The following OR6A2 variants were observed in gnomAD, a reference collection of about 807,000 sequenced individuals.
OR6A2 encodes the protein olfactory receptor 6A2.
OR6A2 carries 6 observed loss-of-function variants against 7.1 expected under a neutral mutation model. The observed-to-expected ratio is 0.85, with a 90% CI of 0.46 to 1.68. The LOEUF (loss-of-function observed/expected upper bound fraction) is 1.68. OR6A2 is among the 40% of genes most tolerant of loss of function. The pLI, the probability that OR6A2 is intolerant of heterozygous loss-of-function variation, is 0.01. For synonymous variants in OR6A2, 162 were observed against 152.1 expected (o/e 1.06, Z -0.48); for missense variants, 431 against 398.0 (o/e 1.08, Z -0.71).
Position 6,792,583 on chromosome 11 carries a change from A to G in OR6A2, c.*2142T>C, listed in dbSNP as rs497655. 1 allele frequency: 152,173 copies of G among 152,322 alleles called. 76,012 individuals carry two copies. Among genetic ancestry groups the G allele is most frequent in the Non-Finnish European group, 1 (68,030 of 68,030 alleles). 9.4% of individuals were successfully genotyped at this position (152,322 alleles called of 1,614,324 possible). A position where few individuals can be genotyped will look rare whatever the true frequency, so the allele number is the denominator to read the frequency against. ...AGCAAAGGGGAATTATAAAAGACTT[A>G]TATTATCTAAGCAATACTTTGAAAG... On this transcript the variant is annotated 3_prime_UTR_variant, in exon 2 of 2. Transcript: ENST00000641196.
Position 6,795,831 on chromosome 11 carries a change from T to C in OR6A2, c.-123A>G, listed in dbSNP as rs78183910. Reference sequence around the variant, plus strand: ...GGTCGAATACCACGTAAGGAGTTCATGTAATTAATCACTGAGCTGAGGCCA... The same window carrying C: ...GGTCGAATACCACGTAAGGAGTTCACGTAATTAATCACTGAGCTGAGGCCA... On this transcript the variant is annotated 5_prime_UTR_variant, in exon 2 of 2. It removes an upstream start codon present in the reference 5' UTR. Coordinates refer to ENST00000641196, the MANE Select transcript of OR6A2 (RefSeq NM_003696.3). The C allele has an allele frequency of 7.5e-3, 6,017 of 805,198 alleles. 35 individuals carry two copies. The highest frequency in any genetic ancestry group is 0.022 in the East Asian group (854 of 38,896). 49.9% of individuals were successfully genotyped at this position (805,198 alleles called of 1,614,324 possible).
At chr11:6,798,850 C>T (rs1847771713) in intron 1 of OR6A2, among the ~76,000 whole-genome samples, 1 of 152,166 alleles carries the variant, frequency 6.6e-6, no homozygotes, top group Admixed American at 6.5e-5. Context: ...GTTGCAGCAT[C>T]TATCTCTCCT....
intron 1 of OR6A2, among the ~76,000 whole-genome samples, chr11:6,797,422 CT>C (rs1847758717): frequency 6.6e-6 from 1 of 152,164 alleles, no homozygotes; most frequent in Non-Finnish European, 1.5e-5. Context: ...AACATCAAAC[CT>C]ACAATTGCTG....
chr11:6,794,534 A>C lies in OR6A2; in HGVS notation c.*191T>G. ...CCTGTATTTTATGGCCCTGTCCTGCAGAAATCCATTTTCTAGCTTGCAACC... is the reference window on the plus strand; with the variant it reads ...CCTGTATTTTATGGCCCTGTCCTGCCGAAATCCATTTTCTAGCTTGCAACC... On this transcript the variant is annotated 3_prime_UTR_variant, in exon 2 of 2. Coordinates refer to ENST00000641196, the MANE Select transcript of OR6A2 (RefSeq NM_003696.3). 2 of 692,642 alleles carry C rather than the reference A, an allele frequency of 2.9e-6. No homozygotes were observed. The highest frequency in any genetic ancestry group is 4.7e-6 in the Non-Finnish European group (2 of 425,568). 42.9% of individuals were successfully genotyped at this position (692,642 alleles called of 1,614,324 possible). A position where few individuals can be genotyped will look rare whatever the true frequency, so the allele number is the denominator to read the frequency against.
At position 6,792,838 on chromosome 11, in the gene OR6A2, G is replaced by C. The variant is rs1847703933; in HGVS notation, c.*1887C>G. Reference sequence around the variant, plus strand: ...TCACTAAAAATTCAGTCCCCGTCTGGAGAGGTGTCAATCTCACCATAGTAC... The same window carrying C: ...TCACTAAAAATTCAGTCCCCGTCTGCAGAGGTGTCAATCTCACCATAGTAC... On this transcript the variant is annotated 3_prime_UTR_variant, in exon 2 of 2. Coordinates refer to ENST00000641196, the MANE Select transcript of OR6A2 (RefSeq NM_003696.3). The C allele has an allele frequency of 2.0e-5, 3 of 152,120 alleles. No individual in the cohort carries two copies. Among genetic ancestry groups the C allele is most frequent in the South Asian group, 2.1e-4 (1 of 4,830 alleles). The allele number at this position is 152,120 out of a possible 1,614,324, so 9.4% of individuals were successfully genotyped here. A position where few individuals can be genotyped will look rare whatever the true frequency, so the allele number is the denominator to read the frequency against.
chr11:6,796,766 TA>T (rs1245680631), intron 1 of OR6A2, among the ~76,000 whole-genome samples: 1 of 152,200 alleles, frequency 6.6e-6, no homozygotes, highest in Non-Finnish European at 1.5e-5. Context: ...CCTTTCCCTT[TA>T]AAAACTTCAA....
At position 6,794,247 on chromosome 11, in the gene OR6A2, A is replaced by C. The variant is rs1847720298; in HGVS notation, c.*478T>G. 1 of 159,906 alleles carries C rather than the reference A, an allele frequency of 6.3e-6. No homozygotes were observed. The highest frequency in any genetic ancestry group is 1.7e-4 in the South Asian group (1 of 5,806). The allele number at this position is 159,906 out of a possible 1,614,324, so 9.9% of individuals were successfully genotyped here. A position where few individuals can be genotyped will look rare whatever the true frequency, so the allele number is the denominator to read the frequency against. ...ACTCAGCCACTAGTTCAATGTGGAC[A>C]CTGACCACAGTAAATTTGAAAATAA... On this transcript the variant is annotated 3_prime_UTR_variant, in exon 2 of 2. Transcript: ENST00000641196.
At chr11:6,798,899 T>C (rs1847771972) in intron 1 of OR6A2, among the ~76,000 whole-genome samples, 1 of 152,222 alleles carries the variant, frequency 6.6e-6, no homozygotes, top group South Asian at 2.1e-4. Context: ...CACTTACTGA[T>C]TATTAAAGGT....
chr11:6,794,776 G>T lies in OR6A2; in HGVS notation c.933C>A (p.His311Gln), dbSNP rs765654713. 32 of 1,613,946 alleles carry T rather than the reference G, an allele frequency of 2.0e-5. No homozygotes were observed. The highest frequency in any genetic ancestry group is 2.6e-5 in the Non-Finnish European group (31 of 1,179,960). Residue 311 changes from histidine to glutamine, a missense_variant, in exon 2 of 2, where the codon CAC becomes CAA. His to Gln is a conservative substitution (Grantham distance 24). Transcript: ENST00000641196. ...EVKRALCCTL[H>Q]LYQHQDPDPK... ...GGTCAGGATCCTGGTGCTGGTACAG[G>T]TGCAGAGTACAGCATAGGGCTCTCT...
In OR6A2 at chr11:6,791,914, A is replaced by G. The variant is rs575597995; in HGVS notation, c.*2811T>C. The G allele has an allele frequency of 7.2e-5, 11 of 152,306 alleles. No homozygotes were observed. The South Asian group carries it at 2.3e-3, about 32-fold the overall frequency. 9.4% of individuals were successfully genotyped at this position (152,306 alleles called of 1,614,324 possible). A position where few individuals can be genotyped will look rare whatever the true frequency, so the allele number is the denominator to read the frequency against. The stretch of plus-strand genomic sequence containing the variant: ...ACATACTTGTCAAAATAAGAAACCA[A>G]AATTGATACATCACTGTTAAACTAT... On this transcript the variant is annotated 3_prime_UTR_variant, in exon 2 of 2. Coordinates refer to ENST00000641196, the MANE Select transcript of OR6A2 (RefSeq NM_003696.3).
In OR6A2 at chr11:6,794,796, C is replaced by T. The variant is rs763926030; in HGVS notation, c.913G>A (p.Ala305Thr). ...TACAGGTGCAGAGTACAGCATAGGG[C>T]TCTCTTGACCTCTTGATTGCGCAGG... ...YCLRNQEVKR[A>T]LCCTLHLYQH... is the part of the protein sequence containing the mutation. Residue 305 changes from alanine to threonine, a missense_variant, in exon 2 of 2, where the codon GCC (alanine) becomes ACC (threonine). By Grantham distance (58) the Ala-to-Thr change is moderately conservative. Coordinates refer to ENST00000641196, the MANE Select transcript of OR6A2 (RefSeq NM_003696.3). 9 of 1,614,084 alleles carry T rather than the reference C, an allele frequency of 5.6e-6. No homozygotes were observed. The South Asian group carries it at 6.6e-5, about 12-fold the overall frequency.
chr11:6,796,170 C>A lies in OR6A2; in HGVS notation c.-176-286G>T, dbSNP rs75209266. On this transcript the variant is annotated intron_variant, in intron 1 of 1. Transcript: ENST00000641196. ...ACAATTGAGTTATTATTAGCACAGG[C>A]ACTGTTATTATTGCATGCACTGCTG... 2.3e-3 allele frequency among the ~76,000 whole-genome samples: 347 copies of A among 152,260 alleles called. 2 individuals are homozygous for A. Among genetic ancestry groups the A allele is most frequent in the African/African-American group, 7.7e-3 (322 of 41,564 alleles).
In OR6A2 at chr11:6,795,644, G is replaced by T; in HGVS notation, c.65C>A (p.Ala22Glu). The T allele has an allele frequency of 1.2e-6, 2 of 1,613,758 alleles. No individual in the cohort carries two copies. Among genetic ancestry groups the T allele is most frequent in the East Asian group, 2.2e-5 (1 of 44,860 alleles). Residue 22 changes from alanine to glutamate, a missense_variant, in exon 2 of 2, where the codon GCG (alanine) becomes GAG (glutamate). Ala to Glu is a moderately radical substitution (Grantham distance 107). Coordinates refer to ENST00000641196, the MANE Select transcript of OR6A2 (RefSeq NM_003696.3). ...EFVLLGFPAP[A>E]PLQVLLFALL... is the part of the protein sequence containing the mutation. ...GGCAAACAATAGTACCTGTAGTGGCGCAGGAGCAGGGAAGCCCAGCAACAC... is the reference window on the plus strand; with the variant it reads ...GGCAAACAATAGTACCTGTAGTGGCTCAGGAGCAGGGAAGCCCAGCAACAC...
Position 6,795,074 on chromosome 11 carries a change from A to G in OR6A2, c.635T>C (p.Leu212Pro), listed in dbSNP as rs200893682. The G allele has an allele frequency of 6.2e-7, 1 of 1,614,148 alleles. No homozygotes were observed. The highest frequency in any genetic ancestry group is 1.3e-5 in the African/African-American group (1 of 75,064). ...LTDFILAIFI[L>P]LGPLSVTGAS... ...CCCAGTGACAGAGAGTGGCCCTAGA[A>G]GAATAAAAATGGCCAGGATGAAATC... The change falls in exon 2 of 2, where the codon CTT becomes CCT. Residue 212 changes from leucine to proline, a missense_variant. Coordinates refer to ENST00000641196, the MANE Select transcript of OR6A2 (RefSeq NM_003696.3).
rs990670141 is a variant in OR6A2, at chr11:6,793,709, T to A, written c.*1016A>T. The A allele has an allele frequency of 3.3e-5, 5 of 152,154 alleles. No individual in the cohort carries two copies. The highest frequency in any genetic ancestry group is 1.2e-4 in the African/African-American group (5 of 41,418). 9.4% of individuals were successfully genotyped at this position (152,154 alleles called of 1,614,324 possible). On this transcript the variant is annotated 3_prime_UTR_variant, in exon 2 of 2. Coordinates refer to ENST00000641196, the MANE Select transcript of OR6A2 (RefSeq NM_003696.3). ...AATATTTTTATTAAGTTAGAAATAT[T>A]TTTTCTTTCATTAACTCTATTTAGA...
chr11:6,795,535 T>C lies in OR6A2; in HGVS notation c.174A>G (p.Lys58=), dbSNP rs919544256. The C allele has an allele frequency of 1.2e-6, 2 of 1,613,456 alleles. No individual in the cohort carries two copies. The highest frequency in any genetic ancestry group is 2.7e-5 in the African/African-American group (2 of 74,716). The change falls in exon 2 of 2, where the codon AAA becomes AAG. Residue 58 remains lysine (K), a synonymous_variant. Transcript: ENST00000641196. ...MAIRNHSTLH[K]PMYFFLANMS... ...TATTAGCTAGAAAAAAGTACATGGG[T>C]TTGTGGAGGGTAGAATGGTTCCTAA...
In OR6A2 at chr11:6,794,429, TA is replaced by T. The variant is rs1847721903; in HGVS notation, c.*295del. 2.8e-6 allele frequency: 1 copy of T among 353,902 alleles called. No homozygotes were observed. Among genetic ancestry groups the T allele is most frequent in the African/African-American group, 2.0e-5 (1 of 49,428 alleles). 21.9% of individuals were successfully genotyped at this position (353,902 alleles called of 1,614,324 possible). On this transcript the variant is annotated 3_prime_UTR_variant, in exon 2 of 2. Transcript: ENST00000641196. ...CAAAAAGTCTTGTGTTGCTTTTCCG[TA>T]ATGAAGCCTGTGCTTCCTTGATTGG... is the stretch of plus-strand genomic sequence containing the variant.
rs1054864114 is a variant in OR6A2 at position 6,793,084 on chromosome 11, G to T, written c.*1641C>A. The T allele has an allele frequency of 6.6e-6, 1 of 152,152 alleles. No individual in the cohort carries two copies. Among genetic ancestry groups the T allele is most frequent in the Non-Finnish European group, 1.5e-5 (1 of 68,012 alleles). The allele number at this position is 152,152 out of a possible 1,614,324, so 9.4% of individuals were successfully genotyped here. ...AAAAGAGTTGTAATAACAATGCCTA[G>T]AGGAGGACTCTCCCATCCCTGATCA... On this transcript the variant is annotated 3_prime_UTR_variant, in exon 2 of 2. Coordinates refer to ENST00000641196, the MANE Select transcript of OR6A2 (RefSeq NM_003696.3).
Position 6,795,284 on chromosome 11 carries a change from C to T in OR6A2, c.425G>A (p.Ser142Asn). The stretch of plus-strand genomic sequence containing the variant: ...AGCCATCTGCACACACAGCCGGCCA[C>T]TGACAATGACTGGGTAGTGGAGAGG... The part of the protein sequence containing the change: ...CYPLHYPVIV[S>N]GRLCVQMAAG... The change falls in exon 2 of 2, where the codon AGT becomes AAT. Residue 142 changes from serine to asparagine, a missense_variant. Coordinates refer to ENST00000641196, the MANE Select transcript of OR6A2 (RefSeq NM_003696.3). 2 of 1,614,066 alleles carry T rather than the reference C, an allele frequency of 1.2e-6. No individual in the cohort carries two copies. Among genetic ancestry groups the T allele is most frequent in the African/African-American group, 2.7e-5 (2 of 75,044 alleles).
Sources: gnomAD v4.1 joint callset for allele counts (sites outside exome capture counted in the v4.1 genomes callset) on GRCh38, gnomAD v4.1.1 for gene constraint, MANE v1.5 for transcripts, NCBI Gene and HGNC (gene_info 2026-07-23, HGNC 2026-07-21) for gene names.